Variants in TJP3 observed in about 807,000 individuals in gnomAD.
TJP3 encodes the protein tight junction protein 3, also known as tight junction protein ZO-3.
TJP3 carries 85 observed loss-of-function variants against 104.2 expected under a neutral mutation model. The ratio of observed to expected loss-of-function variants is 0.82; its 90% CI spans 0.68 to 0.98. The LOEUF is 0.98. Among genes scored for constraint, TJP3 ranks in the 50% least tolerant of loss-of-function variants. The pLI, the probability that TJP3 is intolerant of heterozygous loss-of-function variation, is 0.00. For missense variants in TJP3, 1,367 were observed against 1,322.8 expected (o/e 1.03, Z -0.52); for synonymous variants, 550 against 550.6 (o/e 1.00, Z 0.02).
At position 3,736,329 on chromosome 19, in the gene TJP3, G is replaced by C. The variant is rs111484893; in HGVS notation, c.1284+8G>C. On this transcript the variant is annotated splice_region_variant and intron_variant, in intron 11 of 20. Transcript: ENST00000541714. ...GGAGATCAGATTCTGCAGGTGCTCCGGGGGCGGCTGGCCAGCCCCACTGAT... is the reference window on the plus strand; with the variant it reads ...GGAGATCAGATTCTGCAGGTGCTCCCGGGGCGGCTGGCCAGCCCCACTGAT... 7.5e-3 allele frequency: 11,354 copies of C among 1,520,040 alleles called. 58 individuals are homozygous for C. The highest frequency in any genetic ancestry group is 8.9e-3 in the Non-Finnish European group (10,106 of 1,135,454). 94.2% of individuals were successfully genotyped at this position (1,520,040 alleles called of 1,614,324 possible). A position where few individuals can be genotyped will look rare whatever the true frequency, so the allele number is the denominator to read the frequency against.
At chr19:3,721,869 G>A (rs2036545450) in intron 1 of TJP3, 1 of 1,225,506 alleles carries the variant, frequency 8.2e-7, no homozygotes, top group Admixed American at 4.2e-5. Flanking sequence ...CGGGTAGGGG[G>A]GCTGGAGAGC....
chr19:3,746,447 C>G lies in TJP3; in HGVS notation c.2011-38C>G. 2 of 1,603,088 alleles carry G rather than the reference C, an allele frequency of 1.2e-6. No individual in the cohort carries two copies. Among genetic ancestry groups the G allele is most frequent in the Non-Finnish European group, 1.7e-6 (2 of 1,171,316 alleles). ...CTTTCTCTCTCTGTTTACCCTGCTG[C>G]AATCCCCCTCACCCCAACGTCCGCC... On this transcript the variant is annotated intron_variant, in intron 16 of 20. Coordinates refer to ENST00000541714, the MANE Select transcript of TJP3 (RefSeq NM_001267560.2). This position sits in a 1 kb window ranked among gnomAD's most constrained non-coding sequence, Gnocchi z 4.1.
At chr19:3,731,343 G>A (rs892328538) in intron 5 of TJP3, among the ~76,000 whole-genome samples, 1 of 152,140 alleles carries the variant, frequency 6.6e-6, no homozygotes, top group African/African-American at 2.4e-5. Context: ...CCTTATAAGA[G>A]GAGGCCTGGC....
At chr19:3,735,798 A>G (rs2036730713) in intron 9 of TJP3, 71 bp from the exon 10 acceptor site, 4 of 1,599,844 alleles carry the variant, frequency 2.5e-6, no homozygotes, top group Admixed American at 3.3e-5. Flanking sequence ...CAGGATGAGG[A>G]CATAAAGCAA....
At position 3,750,789 on chromosome 19, in the gene TJP3, TAATA is replaced by T; in HGVS notation, c.*108_*111del. ...ACCTTACCTCCCTCCGCCTGGTCTT[TAATA>T]AACAGAGTATTTTCACAGCACCGGC... On this transcript the variant is annotated 3_prime_UTR_variant, in exon 21 of 21. Transcript: ENST00000541714. 9.1e-6 allele frequency: 10 copies of T among 1,094,566 alleles called. No individual in the cohort carries two copies. The allele number at this position is 1,094,566 out of a possible 1,614,324, so 67.8% of individuals were successfully genotyped here. A position where few individuals can be genotyped will look rare whatever the true frequency, so the allele number is the denominator to read the frequency against.
chr19:3,750,307 G>C, intron 20 of TJP3, 123 bp downstream of exon 20: 1 of 1,306,592 alleles, frequency 7.7e-7, no homozygotes, highest in Non-Finnish European at 1.1e-6. Flanking sequence ...GGAAGACAGA[G>C]CCTGCCAGAG....
rs141849084 is a variant in TJP3 at position 3,728,418 on chromosome 19, G to C, written c.-9-6G>C. On this transcript the variant is annotated splice_region_variant and splice_polypyrimidine_tract_variant and intron_variant, in intron 1 of 20. Transcript: ENST00000541714. ...CATGCCCATCTTCCCCGCTCCCCTC[G>C]ACCAGGTGGCTGACATGGAGGAGCT... is the stretch of plus-strand genomic sequence containing the variant. 1 of 1,613,984 alleles carries C rather than the reference G, an allele frequency of 6.2e-7. No homozygotes were observed. The highest frequency in any genetic ancestry group is 8.5e-7 in the Non-Finnish European group (1 of 1,180,020).
chr19:3,715,954 T>C (rs1599141970), intron 1 of TJP3, among the ~76,000 whole-genome samples: 1 of 151,610 alleles, frequency 6.6e-6, no homozygotes, highest in African/African-American at 2.4e-5. Flanking sequence ...AATTTTTGTA[T>C]TTTTAGTAGA....
At chr19:3,739,409 G>A (rs1246725844) in intron 13 of TJP3, among the ~76,000 whole-genome samples, 4 of 152,176 alleles carry the variant, frequency 2.6e-5, no homozygotes, top group Non-Finnish European at 4.4e-5. Context: ...AGAATCGCTT[G>A]AACCTGGGAG....
rs775838077 is a variant in TJP3, at chr19:3,750,633, G to A, written c.2709G>A (p.Ala903=). 4.2e-5 allele frequency: 68 copies of A among 1,608,680 alleles called. No homozygotes were observed. The Middle Eastern group carries it at 4.9e-4, about 12-fold the overall frequency. Residue 903 remains alanine, a synonymous_variant, in exon 21 of 21, where the codon GCG becomes GCA. Coordinates refer to ENST00000541714, the MANE Select transcript of TJP3 (RefSeq NM_001267560.2). The part of the protein sequence containing the change: ...LKKKFMRVHD[A]ESSDEDGYDW... ...AAAAGTTTATGCGAGTACATGATGC[G>A]GAGTCCTCCGATGAAGACGGCTATG...
In TJP3 at chr19:3,739,098, G is replaced by C; in HGVS notation, c.1595G>C (p.Arg532Pro). Residue 532 changes from arginine (R) to proline (P), a missense_variant, in exon 13 of 21, where the codon CGG (arginine) becomes CCG (proline). Physicochemically the swap from Arg to Pro is moderately radical, Grantham distance 103. Transcript: ENST00000541714. ...GCGGTGCGCATGGGTCGTGACCTGC[G>C]GGAGCAAGAGCGGGGCATCATTCCC... Reference protein sequence around the residue: ...WLAVRMGRDLREQERGIIPNQ... With the variant: ...WLAVRMGRDLPEQERGIIPNQ... 1 of 1,583,096 alleles carries C rather than the reference G, an allele frequency of 6.3e-7. No individual in the cohort carries two copies. The highest frequency in any genetic ancestry group is 8.6e-7 in the Non-Finnish European group (1 of 1,161,410).
chr19:3,744,473 G>A (rs1274413706), intron 15 of TJP3, among the ~76,000 whole-genome samples: 2 of 152,010 alleles, frequency 1.3e-5, no homozygotes, highest in Non-Finnish European at 2.9e-5. Flanking sequence ...AGACCATCCT[G>A]GCTAACATGG....
At chr19:3,747,064 T>C (rs1229468809) in intron 18 of TJP3, among the ~76,000 whole-genome samples, 188 bp downstream of exon 18, 1 of 151,952 alleles carries the variant, frequency 6.6e-6, no homozygotes, top group Admixed American at 6.6e-5. Context: ...GGAGGAGCTG[T>C]TTTTTGTTGT....
At chr19:3,714,480 T>G (rs1268353311) in intron 1 of TJP3, among the ~76,000 whole-genome samples, 5 of 150,360 alleles carry the variant, frequency 3.3e-5, no homozygotes, top group Non-Finnish European at 5.9e-5. Context: ...GCCCAGCCCG[T>G]TCTTTTAGTA....
At chr19:3,736,023 CCATT>C in intron 10 of TJP3, 88 bp downstream of exon 10, 2 of 1,591,016 alleles carry the variant, frequency 1.3e-6, no homozygotes, top group African/African-American at 1.3e-5. Context: ...CTGCTTGTAT[CCATT>C]GTGTTGAGTG....
Position 3,738,621 on chromosome 19 carries a change from C to T in TJP3, c.1351C>T (p.Pro451Ser), listed in dbSNP as rs200714884. 3.1e-6 allele frequency: 5 copies of T among 1,613,896 alleles called. No homozygotes were observed. Among genetic ancestry groups the T allele is most frequent in the East Asian group, 2.2e-5 (1 of 44,872 alleles). The change falls in exon 12 of 21, where the codon CCA (proline) becomes TCA (serine). Residue 451 changes from proline to serine, a missense_variant. Transcript: ENST00000541714. ...AGTGCAGTTCCTGCTGGGGCTGCCA[C>T]CAGGCGAGGAGATGGAGCTGGTGAC... ...EAVQFLLGLPPGEEMELVTQR... is the reference protein window; with the variant it reads ...EAVQFLLGLPSGEEMELVTQR...
At chr19:3,724,698 G>A (rs1029300429) in intron 1 of TJP3, among the ~76,000 whole-genome samples, 1 of 152,020 alleles carries the variant, frequency 6.6e-6, no homozygotes, top group African/African-American at 2.4e-5. Flanking sequence ...CACCATGCCC[G>A]GCTAATTTTT....
intron 13 of TJP3, 22 bp downstream of exon 13, chr19:3,739,156 A>G (rs757269907): frequency 1.5e-5 from 23 of 1,497,640 alleles, no homozygotes; most frequent in Admixed American, 4.2e-5. Flanking sequence ...GTGCTCCTGC[A>G]GTGGGGCACT....
chr19:3,749,155 A>G (rs181585249), intron 19 of TJP3, among the ~76,000 whole-genome samples: 2 of 151,766 alleles, frequency 1.3e-5, no homozygotes, highest in East Asian at 1.9e-4. Context: ...GGCGTGAGCC[A>G]CCGCACCTGG....
Sources: gnomAD v4.1 joint callset for allele counts (sites outside exome capture counted in the v4.1 genomes callset) on GRCh38, gnomAD v4.1.1 for gene constraint, Gnocchi (gnomAD v3.1) non-coding constraint, MANE v1.5 for transcripts, NCBI Gene and HGNC (gene_info 2026-07-23, HGNC 2026-07-21) for gene names.